The following PAX8 variants were observed in gnomAD, a reference collection of about 807,000 sequenced individuals.
PAX8 encodes paired box 8, also known as paired box protein Pax-8.
A neutral mutation model predicts 52.4 loss-of-function variants in PAX8; 15 were observed. That is an observed-to-expected ratio of 0.29 (90% CI 0.19 to 0.44). The LOEUF (loss-of-function observed/expected upper bound fraction) is 0.44, where lower values mean the gene tolerates loss of function less well. PAX8 is among the 20% of genes least tolerant of loss of function. The pLI, the probability that PAX8 is intolerant of heterozygous loss-of-function variation, is 1.00. For missense variants in PAX8, 554 were observed against 602.5 expected (o/e 0.92, Z 0.84); for synonymous variants, 284 against 249.7 (o/e 1.14, Z -1.29).
chr2:113,274,124 C>G (rs1693649608), intron 2 of PAX8: 1 of 152,122 alleles, frequency 6.6e-6, no homozygotes, highest in East Asian at 1.9e-4. Context: ...ATTGTGCATA[C>G]AAAATGGAGA....
At chr2:113,277,160 G>A (rs1346057452) in intron 2 of PAX8, among the ~76,000 whole-genome samples, 2 of 152,308 alleles carry the variant, frequency 1.3e-5, no homozygotes, top group East Asian at 1.9e-4. Context: ...CCTTCTGGGG[G>A]CAGCCGGACG....
At position 113,218,256 on chromosome 2, in the gene PAX8, C is replaced by T; in HGVS notation, c.*277G>A. 5.4e-6 allele frequency: 2 copies of T among 368,628 alleles called. No homozygotes were observed. Among genetic ancestry groups the T allele is most frequent in the Non-Finnish European group, 9.7e-6 (2 of 206,356 alleles). 22.8% of individuals were successfully genotyped at this position (368,628 alleles called of 1,614,324 possible). Reference sequence around the variant, plus strand: ...TTTGGTGGGTACCGGCTGGGGGCTACATTTCTTCTTCAATTTTGTCTTTTT... The same window carrying T: ...TTTGGTGGGTACCGGCTGGGGGCTATATTTCTTCTTCAATTTTGTCTTTTT... On this transcript the variant is annotated 3_prime_UTR_variant, in exon 12 of 12. Coordinates refer to ENST00000429538, the MANE Select transcript of PAX8 (RefSeq NM_003466.4).
intron 7 of PAX8, 68 bp from the exon 8 acceptor site, chr2:113,236,789 C>G (rs1690389303): frequency 1.3e-6 from 2 of 1,528,298 alleles, no homozygotes; most frequent in African/African-American, 2.7e-5. Context: ...AGACCCTGAG[C>G]CTGTGTCTTA....
Position 113,216,139 on chromosome 2 carries a change from A to G in PAX8, c.*2394T>C, listed in dbSNP as rs1229814347. The G allele has an allele frequency of 4.4e-6, 1 of 229,166 alleles. No individual in the cohort carries two copies. The allele number at this position is 229,166 out of a possible 1,614,324, so 14.2% of individuals were successfully genotyped here. On this transcript the variant is annotated 3_prime_UTR_variant, in exon 12 of 12. Transcript: ENST00000429538. Reference sequence around the variant, plus strand: ...TGGGCTCCTTGGGATGCTGTGCTCAAAGTGATTCTTGGGTAGGGAGCCCTC... The same window carrying G: ...TGGGCTCCTTGGGATGCTGTGCTCAGAGTGATTCTTGGGTAGGGAGCCCTC...
chr2:113,222,224 G>A (rs566199997), intron 10 of PAX8, among the ~76,000 whole-genome samples: 32 of 152,268 alleles, frequency 2.1e-4, no homozygotes, highest in African/African-American at 6.3e-4. Context: ...GGTTTCAGCC[G>A]ATTCTCTACT....
chr2:113,272,884 A>G (rs558290540), intron 2 of PAX8: 30 of 152,336 alleles, frequency 2.0e-4, no homozygotes, highest in African/African-American at 7.0e-4. Flanking sequence ...CTATCTCTGA[A>G]GAGAATGAGG....
rs769828556 is a variant in PAX8, at chr2:113,241,457, TC to T, written c.777+93del. 23 of 1,296,578 alleles carry T rather than the reference TC, an allele frequency of 1.8e-5. No individual in the cohort carries two copies. The African/African-American group carries it at 2.5e-4, about 14-fold the overall frequency. 80.3% of individuals were successfully genotyped at this position (1,296,578 alleles called of 1,614,324 possible). On this transcript the variant is annotated intron_variant, in intron 7 of 11. Transcript: ENST00000429538. ...GTGCCCTGAGCCCATTGATGCAACT[TC>T]CAGCTGCTTTGATGGAGCACAGGCT...
chr2:113,218,007 G>C lies in PAX8; in HGVS notation c.*526C>G, dbSNP rs1192314226. On this transcript the variant is annotated 3_prime_UTR_variant, in exon 12 of 12. Transcript: ENST00000429538. ...GAGAAAGAGGACAGCCAGAGCCTCC[G>C]TGTGGGGCAGGCGGGAGGCTGAGGG... 4.3e-6 allele frequency: 1 copy of C among 233,754 alleles called. No individual in the cohort carries two copies. The highest frequency in any genetic ancestry group is 8.4e-6 in the Non-Finnish European group (1 of 118,388). 14.5% of individuals were successfully genotyped at this position (233,754 alleles called of 1,614,324 possible).
At chr2:113,253,306 T>C (rs905272146) in intron 2 of PAX8, among the ~76,000 whole-genome samples, 8 of 152,144 alleles carry the variant, frequency 5.3e-5, no homozygotes, top group South Asian at 2.1e-4. Flanking sequence ...CTACTACCCA[T>C]CTCATGATGG....
chr2:113,230,360 G>C (rs566262182), intron 9 of PAX8, among the ~76,000 whole-genome samples: 1 of 152,336 alleles, frequency 6.6e-6, no homozygotes, highest in African/African-American at 2.4e-5. Flanking sequence ...GAGTTCCAGG[G>C]CATATACTCC....
intron 4 of PAX8, among the ~76,000 whole-genome samples, chr2:113,244,188 CTG>C (rs1413577276): frequency 6.6e-6 from 1 of 152,252 alleles, no homozygotes; most frequent in East Asian, 1.9e-4. Flanking sequence ...AGGAAGGAAA[CTG>C]TAGATAGCAC....
intron 3 of PAX8, among the ~76,000 whole-genome samples, chr2:113,245,055 T>G (rs889406346): frequency 9.3e-5 from 14 of 151,038 alleles, no homozygotes; most frequent in Admixed American, 2.0e-4. Flanking sequence ...GTTTTTTTTT[T>G]TTGTTTTTTG....
At chr2:113,252,781 T>G (rs1037372801) in intron 2 of PAX8, among the ~76,000 whole-genome samples, 2 of 152,184 alleles carry the variant, frequency 1.3e-5, no homozygotes, top group African/African-American at 4.8e-5. Context: ...ATCCTCCCAT[T>G]TAAAAACATT....
At chr2:113,228,801 GT>G (rs973475325) in intron 9 of PAX8, among the ~76,000 whole-genome samples, 10 of 152,144 alleles carry the variant, frequency 6.6e-5, no homozygotes, top group Middle Eastern at 3.4e-3. Flanking sequence ...CCACCCATCA[GT>G]CCCCCCCAGG....
At chr2:113,268,703 C>T (rs997300773) in intron 2 of PAX8, 1 of 152,436 alleles carries the variant, frequency 6.6e-6, no homozygotes, top group African/African-American at 2.4e-5. Context: ...TCATGGACAG[C>T]TTCATGGGGA....
intron 2 of PAX8, among the ~76,000 whole-genome samples, chr2:113,263,860 C>T (rs1452124508): frequency 6.6e-6 from 1 of 151,730 alleles, no homozygotes; most frequent in African/African-American, 2.4e-5. Flanking sequence ...TCCATATTTG[C>T]TAACAAAAAT....
intron 3 of PAX8, among the ~76,000 whole-genome samples, chr2:113,246,287 A>G (rs890139062): frequency 2.0e-5 from 3 of 152,252 alleles, no homozygotes; most frequent in East Asian, 1.9e-4. Context: ...TACCAGGGCT[A>G]TGAAGCACTG....
At chr2:113,226,893 G>A (rs1242657359) in intron 10 of PAX8, 3 of 1,372,662 alleles carry the variant, frequency 2.2e-6, no homozygotes. Flanking sequence ...ACCTGTCTCA[G>A]CCCCTCCCTT....
chr2:113,245,118 C>G (rs1177443842), intron 3 of PAX8, among the ~76,000 whole-genome samples: 1 of 151,628 alleles, frequency 6.6e-6, no homozygotes, highest in African/African-American at 2.4e-5. Context: ...ACAAGCTTGG[C>G]TCACTTCAAA....
Sources: gnomAD v4.1 joint callset for allele counts (sites outside exome capture counted in the v4.1 genomes callset) on GRCh38, gnomAD v4.1.1 for gene constraint, MANE v1.5 for transcripts, NCBI Gene and HGNC (gene_info 2026-07-23, HGNC 2026-07-21) for gene names.